The following NAV3 variants were observed in gnomAD, a reference collection of about 807,000 sequenced individuals.
NAV3 encodes the protein pore membrane and/or filament interacting like protein 1.
In NAV3, 87 loss-of-function variants were observed where a neutral mutation model predicts 244.7. The observed-to-expected ratio is 0.36, with a 90% CI of 0.30 to 0.42. The LOEUF is 0.42. NAV3 is among the 20% of genes least tolerant of loss of function. The pLI is 1.00. For synonymous variants in NAV3, 1,126 were observed against 1,042.2 expected (o/e 1.08, Z -1.55); for missense variants, 2,663 against 2,893.3 (o/e 0.92, Z 1.83).
chr12:78,067,904 A>T (rs1398119324), intron 12 of NAV3, among the ~76,000 whole-genome samples: 1 of 152,064 alleles, frequency 6.6e-6, no homozygotes, highest in African/African-American at 2.4e-5. Context: ...CTTATAATAG[A>T]ATTTACTAAT....
At chr12:78,168,729 G>A (rs1385225752) in intron 23 of NAV3, 26 bp from the exon 24 acceptor site, 1 of 1,499,658 alleles carries the variant, frequency 6.7e-7, no homozygotes. Context: ...GGGTACTAAA[G>A]CTTCCAAACT....
intron 12 of NAV3, among the ~76,000 whole-genome samples, chr12:78,069,774 G>A (rs1952660534): frequency 6.6e-6 from 1 of 151,880 alleles, no homozygotes; most frequent in Non-Finnish European, 1.5e-5. Context: ...ACTAGGAGAT[G>A]CCTCACATAT....
chr12:77,650,435 G>T (rs1872774328), intron 2 of NAV3, among the ~76,000 whole-genome samples: 1 of 152,100 alleles, frequency 6.6e-6, no homozygotes, highest in Admixed American at 6.6e-5. Context: ...CCACTTCTCT[G>T]CTGTCATGAG....
intron 34 of NAV3, among the ~76,000 whole-genome samples, chr12:78,196,239 T>C (rs1959172479): frequency 6.6e-6 from 1 of 152,098 alleles, no homozygotes; most frequent in Admixed American, 6.6e-5. Context: ...CAAATAGTAC[T>C]TTATTTCCTT....
Position 78,128,712 on chromosome 12 carries a change from C to T in NAV3, c.4287C>T (p.Thr1429=), listed in dbSNP as rs1236135741. 7.4e-6 allele frequency: 12 copies of T among 1,613,184 alleles called. No individual in the cohort carries two copies. Among genetic ancestry groups the T allele is most frequent in the African/African-American group, 2.7e-5 (2 of 74,914 alleles). Residue 1429 remains threonine, a synonymous_variant, in exon 18 of 40, where the codon ACC becomes ACT. Coordinates refer to ENST00000397909, the MANE Select transcript of NAV3 (RefSeq NM_001024383.2). The stretch of plus-strand genomic sequence containing the variant: ...TAGCTGTGCTGTTTTGCAGATATAC[C>T]CCATCATCTCGGCAGGCCAACCAAG... The part of the protein sequence containing the change: ...NTLPKKGLRY[T]PSSRQANQEE...
intron 2 of NAV3, among the ~76,000 whole-genome samples, chr12:77,642,470 C>T (rs1872455991): frequency 6.6e-6 from 1 of 151,996 alleles, no homozygotes; most frequent in Non-Finnish European, 1.5e-5. Context: ...ATGGAAGAAA[C>T]CTCAGCCAGG....
intron 1 of NAV3, among the ~76,000 whole-genome samples, chr12:77,932,157 G>A (rs1275309919): frequency 6.6e-6 from 1 of 152,052 alleles, no homozygotes; most frequent in Non-Finnish European, 1.5e-5. Context: ...ATCAGTTGCT[G>A]GGGTCTCAAC....
At chr12:77,896,067 CA>C (rs752275795) in intron 1 of NAV3, among the ~76,000 whole-genome samples, 6 of 148,206 alleles carry the variant, frequency 4.0e-5, no homozygotes, top group Non-Finnish European at 7.5e-5. Flanking sequence ...ATGAATTAAA[CA>C]ATATAGTAAG....
chr12:77,807,656 T>G (rs757328166), intron 2 of NAV3, among the ~76,000 whole-genome samples: 12 of 152,192 alleles, frequency 7.9e-5, no homozygotes, highest in Admixed American at 7.2e-4. Context: ...TTACGTGCCT[T>G]GGTGTTGCTC....
chr12:78,023,158 A>G (rs1471943789), intron 9 of NAV3, among the ~76,000 whole-genome samples: 1 of 152,212 alleles, frequency 6.6e-6, no homozygotes, highest in African/African-American at 2.4e-5. Context: ...TGCATGTTTT[A>G]GCACTAGAGC....
At chr12:78,209,572 A>ATTTG (rs1469987315) in intron 39 of NAV3, among the ~76,000 whole-genome samples, 7 of 151,624 alleles carry the variant, frequency 4.6e-5, no homozygotes, top group Non-Finnish European at 1.0e-4. Context: ...GTCCATCTCT[A>ATTTG]ACAGTGGAGC....
chr12:77,803,157 T>C (rs1488759250), intron 2 of NAV3, among the ~76,000 whole-genome samples: 3 of 152,266 alleles, frequency 2.0e-5, no homozygotes, highest in East Asian at 1.9e-4. Flanking sequence ...GTTACATAGG[T>C]ATTCACATGC....
intron 2 of NAV3, among the ~76,000 whole-genome samples, chr12:77,761,982 GT>G (rs142663794): frequency 0.52 from 78,998 of 151,898 alleles, 21,493 homozygotes; most frequent in African/African-American, 0.69. Context: ...GCACACATAT[GT>G]TTTTTCACAG....
chr12:77,837,241 T>G (rs890656060), intron 1 of NAV3, among the ~76,000 whole-genome samples: 2 of 150,938 alleles, frequency 1.3e-5, no homozygotes, highest in African/African-American at 4.9e-5. Flanking sequence ...AGTTTAAACT[T>G]TAAACTTTAA....
chr12:78,173,346 T>A lies in NAV3; in HGVS notation c.4982-1960T>A, dbSNP rs191995981. On this transcript the variant is annotated intron_variant, in intron 24 of 39. Coordinates refer to ENST00000397909, the MANE Select transcript of NAV3 (RefSeq NM_001024383.2). ...TTTTGACCTAGGATTACTATCTTTT[T>A]AAAAATTTAGTATTAAAGAAGTCAA... Among the ~76,000 whole-genome samples, 235 of 151,776 alleles carry A rather than the reference T, an allele frequency of 1.5e-3. 8 individuals carry two copies. In the East Asian group the frequency reaches 0.037, roughly 24 times the overall value.
chr12:77,944,209 G>A (rs1274679200), intron 3 of NAV3, among the ~76,000 whole-genome samples: 1 of 152,190 alleles, frequency 6.6e-6, no homozygotes, highest in South Asian at 2.1e-4. Flanking sequence ...GCCTGATAGT[G>A]TAGGGCCAAA....
intron 1 of NAV3, among the ~76,000 whole-genome samples, chr12:77,874,456 C>G (rs1401331713): frequency 2.0e-5 from 3 of 152,016 alleles, no homozygotes; most frequent in Non-Finnish European, 4.4e-5. Flanking sequence ...GCAGTCCTTC[C>G]TGCCTCAGCC....
intron 5 of NAV3, among the ~76,000 whole-genome samples, chr12:77,990,203 G>A (rs1033627035): frequency 1.0e-4 from 14 of 139,926 alleles, no homozygotes; most frequent in African/African-American, 3.9e-4. Flanking sequence ...TGCTGCAGCT[G>A]ACAAGAATGG....
chr12:78,056,573 AC>A (rs903544382), intron 11 of NAV3, among the ~76,000 whole-genome samples: 16 of 152,136 alleles, frequency 1.1e-4, no homozygotes, highest in Non-Finnish European at 2.2e-4. Context: ...TACTAAAAAT[AC>A]AAAAATTAGC....
Sources: gnomAD v4.1 joint callset for allele counts (sites outside exome capture counted in the v4.1 genomes callset) on GRCh38, gnomAD v4.1.1 for gene constraint, MANE v1.5 for transcripts, NCBI Gene and HGNC (gene_info 2026-07-23, HGNC 2026-07-21) for gene names.